Variants in NAV2 observed in about 807,000 individuals in gnomAD.
The protein encoded by NAV2 is neuron navigator 2, also known as helicase, APC down-regulated 1.
NAV2 carries 54 observed loss-of-function variants against 223.2 expected under a neutral mutation model. The observed-to-expected ratio is 0.24, with a 90% CI of 0.19 to 0.30. The LOEUF is 0.30. NAV2 is among the 10% of genes least tolerant of loss of function. The pLI is 1.00. For missense variants in NAV2, 2,806 were observed against 3,147.5 expected (o/e 0.89, Z 2.60); for synonymous variants, 1,279 against 1,239.3 (o/e 1.03, Z -0.67).
chr11:19,849,650 T>A (rs989760962), intron 3 of NAV2, among the ~76,000 whole-genome samples: 1 of 152,206 alleles, frequency 6.6e-6, no homozygotes, highest in Non-Finnish European at 1.5e-5. Flanking sequence ...CTGAGATCCT[T>A]GGGCAGCTGA....
chr11:20,036,121 G>T (rs113844172), intron 12 of NAV2, 24 bp downstream of exon 12: 2 of 1,613,782 alleles, frequency 1.2e-6, no homozygotes, highest in Non-Finnish European at 1.7e-6. Flanking sequence ...GCCCTCCCAG[G>T]CTCCTCCAGC....
intron 29 of NAV2, among the ~76,000 whole-genome samples, 194 bp from the exon 30 acceptor site, chr11:20,095,478 T>G (rs2061184727): frequency 6.6e-6 from 1 of 152,238 alleles, no homozygotes; most frequent in Non-Finnish European, 1.5e-5. Context: ...CTTGGACCGC[T>G]GTTTTAGCAG....
chr11:19,927,697 A>ACAAAG (rs1219136384), intron 6 of NAV2, among the ~76,000 whole-genome samples: 1 of 150,974 alleles, frequency 6.6e-6, no homozygotes, highest in Non-Finnish European at 1.5e-5. Context: ...TTAAAACAAA[A>ACAAAG]CAAAACAAAA....
At chr11:19,970,417 C>T (rs2049134018) in intron 10 of NAV2, among the ~76,000 whole-genome samples, 3 of 152,200 alleles carry the variant, frequency 2.0e-5, no homozygotes, top group Admixed American at 2.0e-4. Context: ...GATCCATTTG[C>T]CTCAGCCTCC....
At chr11:19,884,083 A>G (rs950074374) in intron 5 of NAV2, among the ~76,000 whole-genome samples, 10 of 152,254 alleles carry the variant, frequency 6.6e-5, no homozygotes, top group Non-Finnish European at 1.2e-4. Flanking sequence ...GCATTCTTAG[A>G]TAATCTTAAA....
At chr11:19,480,854 G>T (rs188109948) in intron 1 of NAV2, among the ~76,000 whole-genome samples, 3 of 152,194 alleles carry the variant, frequency 2.0e-5, no homozygotes, top group African/African-American at 7.2e-5. Context: ...GCTGCTGAGC[G>T]CTTTGTCTGT....
At chr11:19,824,908 T>A (rs2059569122) in intron 1 of NAV2, among the ~76,000 whole-genome samples, 1 of 152,214 alleles carries the variant, frequency 6.6e-6, no homozygotes, top group Non-Finnish European at 1.5e-5. Flanking sequence ...AAGGACAGAA[T>A]GAACACTCTA....
chr11:19,707,126 G>A lies in NAV2; in HGVS notation c.76-125358G>A, dbSNP rs1445004711. Among the ~76,000 whole-genome samples, 5 of 152,136 alleles carry A rather than the reference G, an allele frequency of 3.3e-5. No individual in the cohort carries two copies. In the East Asian group the frequency reaches 9.6e-4, roughly 29 times the overall value. ...GCTCTGGGTGAGTCAGTGAGTGAGTGGTGAGAGAATGTAAAGGCCTAGGAC... is the reference window on the plus strand; with the variant it reads ...GCTCTGGGTGAGTCAGTGAGTGAGTAGTGAGAGAATGTAAAGGCCTAGGAC... On this transcript the variant is annotated intron_variant, in intron 1 of 37. Coordinates refer to the NAV2 transcript ENST00000360655.
chr11:20,115,448 T>C (rs1467246461), intron 37 of NAV2, among the ~76,000 whole-genome samples: 2 of 151,714 alleles, frequency 1.3e-5, no homozygotes, highest in East Asian at 1.9e-4. Context: ...CTGGCTAACA[T>C]GGTGAAACAC....
intron 6 of NAV2, among the ~76,000 whole-genome samples, chr11:19,921,339 C>T (rs941196175): frequency 8.5e-5 from 13 of 152,102 alleles, no homozygotes; most frequent in Admixed American, 5.2e-4. Context: ...ATAATAAGCT[C>T]GTTCTTTGGT....
intron 1 of NAV2, among the ~76,000 whole-genome samples, chr11:19,467,773 C>T (rs1852420859): frequency 6.6e-6 from 1 of 152,218 alleles, no homozygotes; most frequent in Admixed American, 6.5e-5. Context: ...GATGAACTCC[C>T]TGTCCTTAGT....
intron 7 of NAV2, among the ~76,000 whole-genome samples, chr11:19,935,851 GTTTTTTTTTT>G (rs765632685): frequency 7.6e-5 from 4 of 52,702 alleles, no homozygotes; most frequent in East Asian, 7.8e-4. Flanking sequence ...TTTTGTTTCT[GTTTTTTTTTT>G]TTTTTTTTTT....
intron 3 of NAV2, among the ~76,000 whole-genome samples, chr11:19,861,005 TCAGAGGGAGACGGTGGAAAGAGGG>T (rs2061738967): frequency 7.6e-6 from 1 of 132,160 alleles, no homozygotes; most frequent in Non-Finnish European, 1.5e-5. Context: ...CGGCTCGGCA[TCAGAGGGAGACGGTGGAAAGAGGG>T]CAGAGGGAGA....
At chr11:20,106,303 A>G (rs1428955271) in intron 35 of NAV2, among the ~76,000 whole-genome samples, 7 of 142,426 alleles carry the variant, frequency 4.9e-5, no homozygotes, top group African/African-American at 1.8e-4. Flanking sequence ...TCATGCCTGT[A>G]ATCTCAGCAC....
chr11:20,052,753 C>T (rs1039159190), intron 17 of NAV2, among the ~76,000 whole-genome samples: 2 of 152,212 alleles, frequency 1.3e-5, no homozygotes, highest in African/African-American at 4.8e-5. Context: ...TGTGCTCCCT[C>T]TCACTCTGAT....
At chr11:19,722,532 G>A (rs1458286482) in intron 1 of NAV2, among the ~76,000 whole-genome samples, 1 of 152,136 alleles carries the variant, frequency 6.6e-6, no homozygotes, top group African/African-American at 2.4e-5. Flanking sequence ...TCCATAGCCT[G>A]GCCATTAGCC....
intron 6 of NAV2, among the ~76,000 whole-genome samples, chr11:19,923,627 G>A (rs1235605482): frequency 6.6e-6 from 1 of 152,218 alleles, no homozygotes; most frequent in Non-Finnish European, 1.5e-5. Flanking sequence ...CTCTATCTTA[G>A]AAGGATGTAT....
rs1440303817 is a variant in NAV2 at position 19,842,493 on chromosome 11, G to T, written c.386-378G>T. Among the ~76,000 whole-genome samples, 3 of 152,140 alleles carry T rather than the reference G, an allele frequency of 2.0e-5. No individual in the cohort carries two copies. In the East Asian group the frequency reaches 5.8e-4, roughly 29 times the overall value. ...TTCTCTGGGAGCTGAGTTGTAGCTG[G>T]ACTGATCCACTCTGAACTATTCCGT... On this transcript the variant is annotated intron_variant, in intron 2 of 37. Transcript: ENST00000349880.
At chr11:19,850,227 C>T (rs960542667) in intron 3 of NAV2, among the ~76,000 whole-genome samples, 1 of 152,230 alleles carries the variant, frequency 6.6e-6, no homozygotes, top group African/African-American at 2.4e-5. Context: ...CACTTGTTTC[C>T]TCAAAGTGTT....
Sources: gnomAD v4.1 joint callset for allele counts (sites outside exome capture counted in the v4.1 genomes callset) on GRCh38, gnomAD v4.1.1 for gene constraint, MANE v1.5 for transcripts, NCBI Gene and HGNC (gene_info 2026-07-23, HGNC 2026-07-21) for gene names.